The following BCL2L11 variants were observed in gnomAD, a reference collection of about 807,000 sequenced individuals.
The protein encoded by BCL2L11 is bcl-2-like protein 11.
In BCL2L11, 15 loss-of-function variants were observed where a neutral mutation model predicts 20.6. The ratio of observed to expected loss-of-function variants is 0.73; its 90% CI spans 0.49 to 1.12. The LOEUF is 1.12. BCL2L11 is among the 50% of genes most tolerant of loss of function. The pLI is 0.00. For synonymous variants in BCL2L11, 108 were observed against 92.8 expected (o/e 1.16, Z -0.94); for missense variants, 292 against 260.9 (o/e 1.12, Z -0.82).
At position 111,151,465 on chromosome 2, in the gene BCL2L11, T is replaced by C. The variant is rs142899578; in HGVS notation, c.498+1318T>C. 1.1e-4 allele frequency among the ~76,000 whole-genome samples: 16 copies of C among 152,356 alleles called. No homozygotes were observed. In the East Asian group the frequency reaches 2.1e-3, roughly 20 times the overall value. On this transcript the variant is annotated intron_variant, in intron 3 of 3. Transcript: ENST00000393256. ...CCCCTTCTCTTTTAGCTCTTTTTTT[T>C]CTGAACGTTGTTGTTTTATATAAGT...
chr2:111,142,983 T>C (rs17484848), intron 2 of BCL2L11, among the ~76,000 whole-genome samples: 10,832 of 152,278 alleles, frequency 0.071, 557 homozygotes, highest in Non-Finnish European at 0.11. Context: ...TTTCTTCTTA[T>C]GGGGAAATAA....
chr2:111,137,116 T>C (rs543149181), intron 2 of BCL2L11, among the ~76,000 whole-genome samples: 4 of 152,338 alleles, frequency 2.6e-5, no homozygotes, highest in African/African-American at 9.6e-5. Flanking sequence ...TTACTAAAGA[T>C]TCAGACTTGT....
intron 3 of BCL2L11, among the ~76,000 whole-genome samples, chr2:111,157,543 A>T (rs56038719): frequency 6.6e-6 from 1 of 152,130 alleles, no homozygotes; most frequent in African/African-American, 2.4e-5. Context: ...GTGGTTGGCC[A>T]TAGAACAGTG....
At chr2:111,164,093 A>T in intron 3 of BCL2L11, 40 bp from the exon 4 acceptor site, 9 of 1,230,078 alleles carry the variant, frequency 7.3e-6, no homozygotes, top group African/African-American at 1.5e-5. Context: ...CCACCCCCAA[A>T]TTAGGGAGAA....
At chr2:111,125,332 CTG>C (rs1226011345) in intron 2 of BCL2L11, among the ~76,000 whole-genome samples, 1 of 152,202 alleles carries the variant, frequency 6.6e-6, no homozygotes, top group African/African-American at 2.4e-5. Context: ...GGGGCTGAGT[CTG>C]TGTTGATCGA....
intron 3 of BCL2L11, among the ~76,000 whole-genome samples, chr2:111,159,917 G>A (rs2078350419): frequency 6.6e-6 from 1 of 152,190 alleles, no homozygotes; most frequent in African/African-American, 2.4e-5. Flanking sequence ...GTCTCAAAGG[G>A]CATTGTTCAT....
chr2:111,161,520 C>T, intron 3 of BCL2L11: 2 of 1,549,102 alleles, frequency 1.3e-6, no homozygotes, highest in Non-Finnish European at 1.7e-6. Context: ...GGAAGACGGT[C>T]AAGGCATGGC....
chr2:111,158,954 C>T lies in BCL2L11; in HGVS notation c.499-5179C>T, dbSNP rs73954970. ...ATGCTATGTCTAGGTCTGTGTTGTACTTACCGAGTCCTTGGGCCCAGTGGG... is the reference window on the plus strand; with the variant it reads ...ATGCTATGTCTAGGTCTGTGTTGTATTTACCGAGTCCTTGGGCCCAGTGGG... On this transcript the variant is annotated intron_variant, in intron 3 of 3. Transcript: ENST00000393256. 4.1e-3 allele frequency among the ~76,000 whole-genome samples: 631 copies of T among 152,322 alleles called. 3 individuals are homozygous for T. Among genetic ancestry groups the T allele is most frequent in the African/African-American group, 0.014 (566 of 41,564 alleles).
chr2:111,154,520 G>T (rs1451434898), intron 3 of BCL2L11, among the ~76,000 whole-genome samples: 1 of 152,190 alleles, frequency 6.6e-6, no homozygotes, highest in Non-Finnish European at 1.5e-5. Context: ...GTTGTAATTT[G>T]CAGACTCCCT....
intron 3 of BCL2L11, among the ~76,000 whole-genome samples, chr2:111,154,526 T>A (rs569015196): frequency 6.6e-6 from 1 of 152,354 alleles, no homozygotes; most frequent in African/African-American, 2.4e-5. Context: ...ATTTGCAGAC[T>A]CCCTGAGTTT....
intron 2 of BCL2L11, among the ~76,000 whole-genome samples, chr2:111,144,211 G>C (rs2076210533): frequency 6.6e-6 from 1 of 152,216 alleles, no homozygotes; most frequent in Non-Finnish European, 1.5e-5. Flanking sequence ...ACACAAATGT[G>C]TTCCAGGGAG....
At position 111,123,957 on chromosome 2, in the gene BCL2L11, G is replaced by T. The variant is rs770692189; in HGVS notation, c.212G>T (p.Gly71Val). 1 of 1,614,200 alleles carries T rather than the reference G, an allele frequency of 6.2e-7. No individual in the cohort carries two copies. Among genetic ancestry groups the T allele is most frequent in the Admixed American group, 1.7e-5 (1 of 60,024 alleles). ...QGPLAPPASPGPFATRSPLFI... is the reference protein window; with the variant it reads ...QGPLAPPASPVPFATRSPLFI... ...CCGCTGGCCCCACCTGCCAGCCCTG[G>T]CCCTTTTGCTACCAGATCCCCGCTT... Residue 71 changes from glycine (G) to valine (V), a missense_variant, in exon 2 of 4, where the codon GGC becomes GTC. By Grantham distance (109) the Gly-to-Val change is moderately radical (BLOSUM62 -3). Transcript: ENST00000393256.
intron 2 of BCL2L11, among the ~76,000 whole-genome samples, chr2:111,147,023 C>T (rs2076608141): frequency 6.6e-6 from 1 of 152,126 alleles, no homozygotes; most frequent in Non-Finnish European, 1.5e-5. Context: ...TAGAGTAGCC[C>T]TTACAGATCA....
intron 2 of BCL2L11, among the ~76,000 whole-genome samples, chr2:111,136,976 T>C (rs899984357): frequency 7.2e-5 from 11 of 152,210 alleles, no homozygotes; most frequent in Admixed American, 1.3e-4. Flanking sequence ...GTAATATCTA[T>C]TGCTGTAACT....
In BCL2L11 at chr2:111,164,249, C is replaced by G. The variant is rs376786434; in HGVS notation, c.*18C>G. ...TGCATTGACAGGTTCTTTGCGGAGC[C>G]GAGATACCATGCAGACATTTTGCTT... On this transcript the variant is annotated 3_prime_UTR_variant, in exon 4 of 4. Coordinates refer to ENST00000393256, the MANE Select transcript of BCL2L11 (RefSeq NM_138621.5). The G allele has an allele frequency of 1.3e-6, 2 of 1,554,862 alleles. No individual in the cohort carries two copies. Among genetic ancestry groups the G allele is most frequent in the East Asian group, 4.5e-5 (2 of 44,618 alleles).
chr2:111,144,521 G>A (rs2076251451), intron 2 of BCL2L11: 1 of 1,550,428 alleles, frequency 6.4e-7, no homozygotes, highest in Admixed American at 2.0e-5. Context: ...CATCACCCAG[G>A]TGAGTTTTAT....
chr2:111,143,982 C>T (rs986469195), intron 2 of BCL2L11, among the ~76,000 whole-genome samples: 16 of 152,324 alleles, frequency 1.1e-4, no homozygotes, highest in Middle Eastern at 3.4e-3. Context: ...TCCAACTTCA[C>T]AGCCTTGGTT....
Position 111,166,336 on chromosome 2 carries a change from G to T in BCL2L11, c.*2105G>T, listed in dbSNP as rs1348348751. ...GCCCTGTGCTGCCCAGGGGCTGTGT[G>T]CACCACATGAGCACATTTCCCTCTG... On this transcript the variant is annotated 3_prime_UTR_variant, in exon 4 of 4. Transcript: ENST00000393256. The T allele has an allele frequency of 6.5e-6, 1 of 152,716 alleles. No individual in the cohort carries two copies. The highest frequency in any genetic ancestry group is 2.4e-5 in the African/African-American group (1 of 41,482). 9.5% of individuals were successfully genotyped at this position (152,716 alleles called of 1,614,324 possible).
chr2:111,143,540 C>T (rs2076121355), intron 2 of BCL2L11, among the ~76,000 whole-genome samples: 1 of 152,160 alleles, frequency 6.6e-6, no homozygotes, highest in Non-Finnish European at 1.5e-5. Context: ...CATTTCAATT[C>T]CCTACGAGGA....
Sources: allele counts gnomAD v4.1 joint callset (sites outside exome capture counted in the v4.1 genomes callset), GRCh38; gene constraint gnomAD v4.1.1; transcripts MANE v1.5; gene names NCBI Gene and HGNC (gene_info 2026-07-23, HGNC 2026-07-21).